Variants in CADM2 observed in about 807,000 individuals in gnomAD.
The protein encoded by CADM2 is immunoglobulin superfamily member 4D.
Under a neutral mutation model 49.8 loss-of-function variants are expected in CADM2, and 12 were observed. The ratio of observed to expected loss-of-function variants is 0.24; its 90% CI spans 0.15 to 0.39. The LOEUF (loss-of-function observed/expected upper bound fraction) is 0.39, where lower values mean the gene tolerates loss of function less well. Ranked by LOEUF, CADM2 falls within the 10% of genes least tolerant of loss-of-function variation. The probability of loss-of-function intolerance (pLI) is 1.00; values close to 1 mark genes in which losing one functional copy is unlikely to be tolerated. For missense variants in CADM2, 378 were observed against 492.3 expected (o/e 0.77, Z 2.20); for synonymous variants, 214 against 175.4 (o/e 1.22, Z -1.74).
chr3:84,973,479 G>A (rs1446780512), intron 1 of CADM2, among the ~76,000 whole-genome samples: 1 of 151,990 alleles, frequency 6.6e-6, no homozygotes, highest in African/African-American at 2.4e-5. Context: ...GAACCTGACA[G>A]GTGAAAAAGA....
At chr3:85,708,313 A>G (rs1304968748) in intron 1 of CADM2, among the ~76,000 whole-genome samples, 1 of 152,114 alleles carries the variant, frequency 6.6e-6, no homozygotes, top group East Asian at 1.9e-4. Flanking sequence ...TTTATTTACA[A>G]ATATTTAGAT....
rs891374116 is a variant in CADM2, at chr3:86,072,701, A to G, written c.*5918A>G. On this transcript the variant is annotated 3_prime_UTR_variant, in exon 10 of 10. Coordinates refer to ENST00000383699, the MANE Select transcript of CADM2 (RefSeq NM_001167675.2). ...TACTAGTAGACACTTTTCTCTTTAT[A>G]TTTACTGATAGTGAAAATCATACGC... 5 of 152,038 alleles carry G rather than the reference A, an allele frequency of 3.3e-5. No individual in the cohort carries two copies. The highest frequency in any genetic ancestry group is 7.4e-5 in the Non-Finnish European group (5 of 67,958). The allele number at this position is 152,038 out of a possible 1,614,324, so 9.4% of individuals were successfully genotyped here.
At chr3:85,285,751 A>G (rs1184934419) in intron 1 of CADM2, among the ~76,000 whole-genome samples, 3 of 151,936 alleles carry the variant, frequency 2.0e-5, no homozygotes, top group Non-Finnish European at 1.5e-5. Flanking sequence ...GACATGCAAG[A>G]TGAAGAATAA....
chr3:85,327,301 G>C (rs1255601324), intron 1 of CADM2, among the ~76,000 whole-genome samples: 1 of 151,584 alleles, frequency 6.6e-6, no homozygotes, highest in Non-Finnish European at 1.5e-5. Context: ...TGTTGCCCAG[G>C]CTGGAGTGCA....
intron 1 of CADM2, among the ~76,000 whole-genome samples, chr3:85,500,188 G>T (rs1413382365): frequency 3.9e-5 from 6 of 151,984 alleles, no homozygotes; most frequent in Non-Finnish European, 7.4e-5. Flanking sequence ...TGAAAGGTTT[G>T]GTGAACAAAA....
intron 1 of CADM2, among the ~76,000 whole-genome samples, chr3:85,400,432 A>G (rs2035039742): frequency 6.6e-6 from 1 of 152,136 alleles, no homozygotes; most frequent in Non-Finnish European, 1.5e-5. Context: ...TGTTTCTGCC[A>G]GGCTTTGGTA....
At chr3:85,008,696 A>T (rs908010538) in intron 1 of CADM2, among the ~76,000 whole-genome samples, 6 of 152,260 alleles carry the variant, frequency 3.9e-5, no homozygotes, top group South Asian at 2.1e-4. Context: ...AAGAAAATTG[A>T]GGGATCAGAT....
chr3:85,897,437 T>C (rs1035012375), intron 5 of CADM2, among the ~76,000 whole-genome samples: 6 of 146,732 alleles, frequency 4.1e-5, no homozygotes, highest in African/African-American at 7.6e-5. Flanking sequence ...GCCCGGCTAA[T>C]TTTTTGTATT....
At chr3:86,024,620 C>T (rs529292882) in intron 8 of CADM2, among the ~76,000 whole-genome samples, 1 of 152,096 alleles carries the variant, frequency 6.6e-6, no homozygotes, top group Non-Finnish European at 1.5e-5. Context: ...GTAAATGATA[C>T]ATCTATAAAA....
chr3:85,259,779 A>G (rs1364100016), intron 1 of CADM2, among the ~76,000 whole-genome samples: 4 of 152,082 alleles, frequency 2.6e-5, no homozygotes, highest in Admixed American at 6.6e-5. Context: ...GATATGGACA[A>G]TTGTCTCAGT....
intron 1 of CADM2, among the ~76,000 whole-genome samples, chr3:85,359,668 T>TATATATA (rs1559799260): frequency 2.7e-4 from 6 of 22,444 alleles, no homozygotes; most frequent in Admixed American, 1.6e-3. Context: ...ATATATATAT[T>TATATATA]TTTTTTTTTG....
intron 1 of CADM2, among the ~76,000 whole-genome samples, chr3:85,420,584 T>G (rs1460409597): frequency 1.3e-5 from 2 of 152,186 alleles, no homozygotes; most frequent in Non-Finnish European, 2.9e-5. Context: ...ATTTTTTTTC[T>G]TCCAGGTTTT....
At chr3:85,411,299 G>A (rs2035645519) in intron 1 of CADM2, among the ~76,000 whole-genome samples, 1 of 152,148 alleles carries the variant, frequency 6.6e-6, no homozygotes, top group South Asian at 2.1e-4. Context: ...AGCTGCAGTA[G>A]CATTCATGAA....
chr3:85,831,014 C>T (rs1033281881), intron 3 of CADM2, among the ~76,000 whole-genome samples: 1 of 151,534 alleles, frequency 6.6e-6, no homozygotes, highest in African/African-American at 2.4e-5. Flanking sequence ...TAGTGGTCCC[C>T]GTTGTCTCGT....
At chr3:85,902,652 C>T (rs191029428) in intron 5 of CADM2, among the ~76,000 whole-genome samples, 277 of 151,380 alleles carry the variant, frequency 1.8e-3, no homozygotes, top group Non-Finnish European at 3.6e-3. Context: ...CCACTTTATG[C>T]TATATGAAGT....
intron 1 of CADM2, among the ~76,000 whole-genome samples, chr3:85,151,502 T>A (rs139065038): frequency 6.6e-6 from 1 of 152,240 alleles, no homozygotes; most frequent in East Asian, 1.9e-4. Flanking sequence ...ATGCTAACAG[T>A]CTTATAGTTT....
intron 1 of CADM2, among the ~76,000 whole-genome samples, chr3:85,406,790 C>T (rs1470055273): frequency 1.3e-5 from 2 of 151,820 alleles, no homozygotes; most frequent in East Asian, 3.9e-4. Context: ...TTTTTTCTTT[C>T]CAGAGCTACC....
intron 1 of CADM2, among the ~76,000 whole-genome samples, chr3:85,018,912 C>T (rs912815110): frequency 6.6e-6 from 1 of 152,126 alleles, no homozygotes; most frequent in African/African-American, 2.4e-5. Context: ...GACAGCTATT[C>T]AGGACCCCAG....
intron 1 of CADM2, among the ~76,000 whole-genome samples, chr3:85,559,681 C>A (rs1375548): frequency 0.27 from 21,404 of 78,450 alleles, 1,940 homozygotes; most frequent in East Asian, 0.55. Flanking sequence ...CACACACACA[C>A]ACACACATAT....
Sources: gnomAD v4.1 joint callset for allele counts (sites outside exome capture counted in the v4.1 genomes callset) on GRCh38, gnomAD v4.1.1 for gene constraint, MANE v1.5 for transcripts, NCBI Gene and HGNC (gene_info 2026-07-23, HGNC 2026-07-21) for gene names.